Variants in MYO5A observed in about 807,000 individuals in gnomAD.
MYO5A encodes the protein unconventional myosin-Va.
MYO5A carries 98 observed loss-of-function variants against 249.7 expected under a neutral mutation model. The ratio of observed to expected loss-of-function variants is 0.39; its 90% CI spans 0.33 to 0.46. The LOEUF is 0.46. Among genes scored for constraint, MYO5A ranks in the 20% least tolerant of loss-of-function variants. The pLI is 0.98. For missense variants in MYO5A, 1,696 were observed against 2,308.8 expected (o/e 0.73, Z 5.44); for synonymous variants, 778 against 810.6 (o/e 0.96, Z 0.68).
chr15:52,400,670 A>C (rs2042709618), intron 9 of MYO5A, among the ~76,000 whole-genome samples: 2 of 152,136 alleles, frequency 1.3e-5, no homozygotes, highest in Non-Finnish European at 2.9e-5. Context: ...CCTCATGATT[A>C]GATTTGGGCA....
chr15:52,528,984 C>G (rs1179705018), upstream of MYO5A: 1 of 305,472 alleles, frequency 3.3e-6, no homozygotes, highest in East Asian at 1.1e-4. Flanking sequence ...GCTGGCCGCC[C>G]GCAGGGGCCT....
At chr15:52,324,102 T>A (rs1226499762) in intron 36 of MYO5A, among the ~76,000 whole-genome samples, 1 of 136,148 alleles carries the variant, frequency 7.3e-6, no homozygotes, top group Admixed American at 8.0e-5. Context: ...GAATCAGAAC[T>A]AAAAGCAGAA....
At chr15:52,413,288 G>T (rs1228565683) in intron 5 of MYO5A, among the ~76,000 whole-genome samples, 1 of 151,580 alleles carries the variant, frequency 6.6e-6, no homozygotes, top group Non-Finnish European at 1.5e-5. Flanking sequence ...GACAGGCCGA[G>T]ACAGAGCAAG....
At chr15:52,521,145 T>C (rs1483860764) in intron 1 of MYO5A, among the ~76,000 whole-genome samples, 2 of 151,726 alleles carry the variant, frequency 1.3e-5, no homozygotes, top group East Asian at 1.9e-4. Context: ...GAAGAATCGA[T>C]TGAACACAGG....
chr15:52,398,911 C>T (rs977021061), intron 9 of MYO5A, among the ~76,000 whole-genome samples: 2 of 151,826 alleles, frequency 1.3e-5, no homozygotes, highest in African/African-American at 4.8e-5. Flanking sequence ...ATTGCTTGAA[C>T]CTGGGAGGTG....
chr15:52,352,344 C>T (rs780522896), intron 27 of MYO5A, among the ~76,000 whole-genome samples: 3 of 152,222 alleles, frequency 2.0e-5, no homozygotes, highest in Non-Finnish European at 2.9e-5. Context: ...CACTTAAAAG[C>T]ACCATGGTGC....
Position 52,389,299 on chromosome 15 carries a change from G to A in MYO5A, c.1607C>T (p.Ala536Val), listed in dbSNP as rs2042106367. Residue 536 changes from alanine to valine, a missense_variant, in exon 13 of 42, where the codon GCA (alanine) becomes GTA (valine). Ala to Val is a moderately conservative substitution (Grantham distance 64). Transcript: ENST00000399233. The part of the protein sequence containing the change: ...KLYNTHLNKC[A>V]LFEKPRLSNK... ...TGATAGACGAGGCTTTTCAAAGAGT[G>A]CACATTTGTTCAAATGTGTGTTGTA... 1.2e-6 allele frequency: 2 copies of A among 1,611,844 alleles called. No homozygotes were observed. The highest frequency in any genetic ancestry group is 1.7e-6 in the Non-Finnish European group (2 of 1,178,028).
At chr15:52,419,258 G>C (rs2043672851) in intron 4 of MYO5A, among the ~76,000 whole-genome samples, 1 of 152,078 alleles carries the variant, frequency 6.6e-6, no homozygotes, top group Non-Finnish European at 1.5e-5. Context: ...CTTTTTTGCA[G>C]GCAACCAATC....
At chr15:52,352,542 G>A (rs1047929371) in intron 27 of MYO5A, among the ~76,000 whole-genome samples, 1 of 152,208 alleles carries the variant, frequency 6.6e-6, no homozygotes, top group Non-Finnish European at 1.5e-5. Context: ...AGCACTTTGG[G>A]AGGCCGAGAC....
Position 52,342,921 on chromosome 15 carries a change from GA to G in MYO5A, c.4040+195del, listed in dbSNP as rs386382998. On this transcript the variant is annotated intron_variant, in intron 31 of 41. Coordinates refer to ENST00000399233, the MANE Select transcript of MYO5A (RefSeq NM_001382347.1). ...ACAGAGTGAGACTCCGTCTAAAAAAGAAAAAAAAAAAAGGTGTTTGGCTGAA... is the reference window on the plus strand; with the variant it reads ...ACAGAGTGAGACTCCGTCTAAAAAAGAAAAAAAAAAAGGTGTTTGGCTGAA... Among the ~76,000 whole-genome samples the G allele has an allele frequency of 8.0e-3, 1,038 of 129,874 alleles. 16 individuals carry two copies. Among genetic ancestry groups the G allele is most frequent in the African/African-American group, 0.026 (937 of 35,594 alleles). The allele number at this position is 129,874 out of a possible 152,430, so 85.2% of individuals were successfully genotyped here.
intron 30 of MYO5A, among the ~76,000 whole-genome samples, chr15:52,345,021 AT>A (rs941938196): frequency 1.3e-5 from 2 of 152,254 alleles, no homozygotes; most frequent in African/African-American, 4.8e-5. Flanking sequence ...TTTTATAAGC[AT>A]TCTCCACCCT....
intron 1 of MYO5A, chr15:52,505,731 C>A: frequency 6.9e-7 from 1 of 1,441,860 alleles, no homozygotes; most frequent in Non-Finnish European, 9.7e-7. Flanking sequence ...CAGTGGGATA[C>A]AGAATTAAGA....
intron 18 of MYO5A, among the ~76,000 whole-genome samples, chr15:52,378,515 C>CAAAAAAAAAAAA (rs55803737): frequency 0.02 from 210 of 10,450 alleles, 28 homozygotes; most frequent in South Asian, 0.033. Context: ...AAGACTGTCT[C>CAAAAAAAAAAAA]AAAAAAAAAA....
At chr15:52,518,709 GT>G (rs2077549025) in intron 1 of MYO5A, among the ~76,000 whole-genome samples, 1 of 152,150 alleles carries the variant, frequency 6.6e-6, no homozygotes, top group Non-Finnish European at 1.5e-5. Context: ...GACCAGTATG[GT>G]AAGCTAAAAA....
intron 1 of MYO5A, among the ~76,000 whole-genome samples, chr15:52,525,806 C>A (rs971491812): frequency 6.6e-6 from 1 of 152,176 alleles, no homozygotes; most frequent in Non-Finnish European, 1.5e-5. Flanking sequence ...CCAACCCATT[C>A]CCTAACTTCT....
chr15:52,425,757 A>G (rs2075380973), intron 4 of MYO5A, 73 bp downstream of exon 4: 2 of 1,538,808 alleles, frequency 1.3e-6, no homozygotes, highest in Non-Finnish European at 1.8e-6. Flanking sequence ...ACTTTAAAAT[A>G]TATGTGACTT....
In MYO5A at chr15:52,340,180, C is replaced by G. The variant is rs371252259; in HGVS notation, c.4239+16G>C. 6 of 1,613,824 alleles carry G rather than the reference C, an allele frequency of 3.7e-6. No homozygotes were observed. The highest frequency in any genetic ancestry group is 5.1e-6 in the Non-Finnish European group (6 of 1,179,892). On this transcript the variant is annotated intron_variant, in intron 32 of 41. Coordinates refer to ENST00000399233, the MANE Select transcript of MYO5A (RefSeq NM_001382347.1). ...GGCTAGGTTAAGAAGCATGTGGACC[C>G]GGCAGCTCTCCTTACCAAGTTTTCG...
chr15:52,451,681 G>T (rs1033414096), intron 1 of MYO5A, among the ~76,000 whole-genome samples: 3 of 152,148 alleles, frequency 2.0e-5, no homozygotes, highest in African/African-American at 7.2e-5. Context: ...ATCCATGCTA[G>T]ATCAAGCCTC....
At chr15:52,517,819 A>T (rs921966937) in intron 1 of MYO5A, among the ~76,000 whole-genome samples, 4 of 101,486 alleles carry the variant, frequency 3.9e-5, no homozygotes, top group African/African-American at 9.8e-5. Flanking sequence ...CCATTTGTGA[A>T]TATAGACAAA....
Sources: allele counts gnomAD v4.1 joint callset (sites outside exome capture counted in the v4.1 genomes callset), GRCh38; gene constraint gnomAD v4.1.1; transcripts MANE v1.5; gene names NCBI Gene and HGNC (gene_info 2026-07-23, HGNC 2026-07-21).